The following MLIP variants were observed in gnomAD, a reference collection of about 807,000 sequenced individuals.
The protein encoded by MLIP is muscular LMNA-interacting protein.
Under a neutral mutation model 84.8 loss-of-function variants are expected in MLIP, and 79 were observed. The ratio of observed to expected loss-of-function variants is 0.93; its 90% CI spans 0.78 to 1.12. MLIP has a LOEUF of 1.12. Among genes scored for constraint, MLIP ranks in the 50% most tolerant of loss-of-function variants. MLIP has a pLI of 0.00. For synonymous variants in MLIP, 504 were observed against 463.0 expected (o/e 1.09, Z -1.14); for missense variants, 1,257 against 1,160.6 (o/e 1.08, Z -1.21).
At chr6:54,128,427 T>A (rs1003572491) in intron 3 of MLIP, among the ~76,000 whole-genome samples, 3 of 152,102 alleles carry the variant, frequency 2.0e-5, no homozygotes, top group Non-Finnish European at 2.9e-5. Context: ...AACCTAGGTG[T>A]CTTTTTCTAT....
chr6:54,087,368 C>G (rs1194365006), intron 1 of MLIP, among the ~76,000 whole-genome samples: 2 of 152,072 alleles, frequency 1.3e-5, no homozygotes, highest in Non-Finnish European at 2.9e-5. Context: ...TTGTCTTTAT[C>G]TATTAATGAG....
chr6:54,156,920 C>T (rs1358691525), intron 5 of MLIP, among the ~76,000 whole-genome samples: 2 of 152,102 alleles, frequency 1.3e-5, no homozygotes, highest in African/African-American at 4.8e-5. Flanking sequence ...GTGCCCCAAA[C>T]AGGGAATGGC....
In MLIP at chr6:54,230,855, T is replaced by G. The variant is rs546846263; in HGVS notation, c.2860T>G (p.Phe954Val). Residue 954 changes from phenylalanine to valine, a missense_variant, in exon 12 of 14, where the codon TTC (phenylalanine) becomes GTC (valine). Coordinates refer to ENST00000502396, the MANE Select transcript of MLIP (RefSeq NM_001281747.2). Reference sequence around the variant, plus strand: ...CCCAGGACCCTTCAGTCATCTGTCCTTCTCCTTGAGTGATGAACAGGAGAA... The same window carrying G: ...CCCAGGACCCTTCAGTCATCTGTCCGTCTCCTTGAGTGATGAACAGGAGAA... Reference protein sequence around the residue: ...LAPGPFSHLSFSLSDEQENSH... With the variant: ...LAPGPFSHLSVSLSDEQENSH... 1 of 1,613,998 alleles carries G rather than the reference T, an allele frequency of 6.2e-7. No homozygotes were observed.
intron 9 of MLIP, among the ~76,000 whole-genome samples, chr6:54,181,126 C>T (rs1017731689): frequency 5.3e-5 from 8 of 152,156 alleles, no homozygotes; most frequent in African/African-American, 1.9e-4. Context: ...CGCGGTTCCA[C>T]AAATGTTGTC....
intron 3 of MLIP, among the ~76,000 whole-genome samples, chr6:54,133,655 G>A (rs919449962): frequency 1.3e-5 from 2 of 152,164 alleles, no homozygotes; most frequent in Non-Finnish European, 2.9e-5. Context: ...TTTACAGGCA[G>A]TAAAAATACA....
intron 12 of MLIP, among the ~76,000 whole-genome samples, chr6:54,237,859 C>A (rs569818488): frequency 1.8e-3 from 269 of 151,922 alleles, no homozygotes; most frequent in Middle Eastern, 3.4e-3. Flanking sequence ...CAAAAGCAAA[C>A]AAAAACAAAA....
chr6:54,133,469 A>T (rs1255993511), intron 3 of MLIP, among the ~76,000 whole-genome samples: 2 of 152,152 alleles, frequency 1.3e-5, no homozygotes, highest in African/African-American at 4.8e-5. Flanking sequence ...AGCTGTACAG[A>T]TTCAGGAGGA....
intron 5 of MLIP, among the ~76,000 whole-genome samples, chr6:54,150,055 C>A (rs1231085503): frequency 6.6e-6 from 1 of 152,040 alleles, no homozygotes; most frequent in African/African-American, 2.4e-5. Context: ...TGTTTGCCAA[C>A]CAGGTGGTAT....
At chr6:54,263,472 A>T (rs1030314016) in intron 13 of MLIP, among the ~76,000 whole-genome samples, 3 of 152,098 alleles carry the variant, frequency 2.0e-5, no homozygotes, top group African/African-American at 7.2e-5. Flanking sequence ...TAATCATATT[A>T]TGATACACAT....
intron 1 of MLIP, among the ~76,000 whole-genome samples, chr6:54,034,472 C>A (rs969862997): frequency 6.6e-6 from 1 of 152,150 alleles, no homozygotes; most frequent in African/African-American, 2.4e-5. Context: ...CTAGTGGCAT[C>A]TTAATGATCC....
At chr6:54,032,801 A>AC (rs1392337651) in intron 1 of MLIP, among the ~76,000 whole-genome samples, 42 of 152,200 alleles carry the variant, frequency 2.8e-4, no homozygotes, top group African/African-American at 1.0e-3. Flanking sequence ...TGATTTACCC[A>AC]CCTTGGCCTC....
chr6:54,146,098 AG>A (rs1772803746), intron 4 of MLIP, among the ~76,000 whole-genome samples: 1 of 152,190 alleles, frequency 6.6e-6, no homozygotes, highest in African/African-American at 2.4e-5. Context: ...GGTATAAATA[AG>A]CATAAATATA....
At chr6:54,048,625 A>G (rs1357211795) in intron 1 of MLIP, among the ~76,000 whole-genome samples, 1 of 152,180 alleles carries the variant, frequency 6.6e-6, no homozygotes, top group African/African-American at 2.4e-5. Flanking sequence ...GGGAGGAGCT[A>G]AAACGAATGT....
intron 12 of MLIP, among the ~76,000 whole-genome samples, chr6:54,243,663 G>A (rs549597378): frequency 6.6e-6 from 1 of 152,122 alleles, no homozygotes; most frequent in Non-Finnish European, 1.5e-5. Flanking sequence ...TTGCAGAACA[G>A]CTTAAAAGCT....
At chr6:54,026,901 C>T (rs1763836227) in intron 1 of MLIP, among the ~76,000 whole-genome samples, 1 of 152,130 alleles carries the variant, frequency 6.6e-6, no homozygotes, top group Non-Finnish European at 1.5e-5. Flanking sequence ...TAACCTTTGG[C>T]TTCTTTATCT....
At chr6:54,074,863 A>G (rs1294657904) in intron 1 of MLIP, among the ~76,000 whole-genome samples, 1 of 152,234 alleles carries the variant, frequency 6.6e-6, no homozygotes, top group Non-Finnish European at 1.5e-5. Flanking sequence ...AAAGCAGTCA[A>G]TAAAAGGAAG....
At chr6:54,131,322 A>C (rs1771358472) in intron 3 of MLIP, among the ~76,000 whole-genome samples, 3 of 152,206 alleles carry the variant, frequency 2.0e-5, no homozygotes, top group African/African-American at 7.2e-5. Flanking sequence ...TAAAGCCAGC[A>C]ACAGAGAAAA....
At chr6:54,065,850 A>T (rs1766203870) in intron 1 of MLIP, among the ~76,000 whole-genome samples, 2 of 99,830 alleles carry the variant, frequency 2.0e-5, no homozygotes, top group South Asian at 7.0e-4. Context: ...TATTTAAATA[A>T]TCTTTTCAGT....
intron 1 of MLIP, among the ~76,000 whole-genome samples, chr6:54,074,588 G>T (rs545791803): frequency 6.6e-6 from 1 of 152,080 alleles, no homozygotes; most frequent in African/African-American, 2.4e-5. Flanking sequence ...AAATTAATAG[G>T]TGTATCCTCT....
Sources: gnomAD v4.1 joint callset for allele counts (sites outside exome capture counted in the v4.1 genomes callset) on GRCh38, gnomAD v4.1.1 for gene constraint, MANE v1.5 for transcripts, NCBI Gene and HGNC (gene_info 2026-07-23, HGNC 2026-07-21) for gene names.